DIAPH1: variants seen among roughly 807,000 people sequenced by gnomAD.
DIAPH1 encodes the protein diaphanous related formin 1, also known as protein diaphanous homolog 1.
In DIAPH1, 46 loss-of-function variants were observed where a neutral mutation model predicts 140.7. That is an observed-to-expected ratio of 0.33 (90% CI 0.26 to 0.42). DIAPH1 has a LOEUF of 0.42. DIAPH1 is among the 10% of genes least tolerant of loss of function. The pLI is 1.00. For missense variants in DIAPH1, 1,310 were observed against 1,558.7 expected (o/e 0.84, Z 2.69); for synonymous variants, 565 against 551.6 (o/e 1.02, Z -0.34).
intron 1 of DIAPH1, among the ~76,000 whole-genome samples, chr5:141,598,058 G>A (rs1272954980): frequency 1.3e-5 from 2 of 152,122 alleles, no homozygotes; most frequent in Non-Finnish European, 2.9e-5. Context: ...GCCAAGTGAT[G>A]TCCTTAAAAT....
At chr5:141,591,078 T>A (rs947435752) in intron 1 of DIAPH1, among the ~76,000 whole-genome samples, 1 of 152,166 alleles carries the variant, frequency 6.6e-6, no homozygotes, top group South Asian at 2.1e-4. Context: ...CTCCTGGCTT[T>A]TCCCCCCAGT....
chr5:141,552,778 C>T (rs148006368), intron 18 of DIAPH1, among the ~76,000 whole-genome samples: 147 of 152,184 alleles, frequency 9.7e-4, no homozygotes, highest in Middle Eastern at 6.8e-3. Flanking sequence ...ACAAGGAATG[C>T]GCACACAGAA....
intron 18 of DIAPH1, among the ~76,000 whole-genome samples, chr5:141,545,388 A>G (rs923445899): frequency 6.6e-6 from 1 of 152,260 alleles, no homozygotes; most frequent in Non-Finnish European, 1.5e-5. Context: ...ACAGTGGCTC[A>G]TGCCTGTAAT....
intron 1 of DIAPH1, among the ~76,000 whole-genome samples, chr5:141,596,838 A>G (rs2099899398): frequency 6.6e-6 from 1 of 152,246 alleles, no homozygotes; most frequent in Non-Finnish European, 1.5e-5. Flanking sequence ...ATCTGAGGAA[A>G]GATCCTAACA....
At chr5:141,545,145 G>A (rs1285186684) in intron 18 of DIAPH1, among the ~76,000 whole-genome samples, 1 of 152,172 alleles carries the variant, frequency 6.6e-6, no homozygotes, top group Non-Finnish European at 1.5e-5. Context: ...GGTATGCCAG[G>A]GTTTGGCAAT....
intron 18 of DIAPH1, among the ~76,000 whole-genome samples, chr5:141,553,594 G>A (rs969277762): frequency 1.3e-5 from 2 of 151,810 alleles, no homozygotes; most frequent in African/African-American, 4.8e-5. Flanking sequence ...GGTGAGCCAA[G>A]ATCACACCAC....
intron 1 of DIAPH1, among the ~76,000 whole-genome samples, chr5:141,616,499 G>A (rs1371698681): frequency 6.6e-6 from 1 of 152,128 alleles, no homozygotes; most frequent in Admixed American, 6.6e-5. Flanking sequence ...ACTAAGCCAC[G>A]GGTATCAAAA....
intron 1 of DIAPH1, among the ~76,000 whole-genome samples, chr5:141,603,598 T>C (rs893285934): frequency 3.3e-5 from 5 of 152,206 alleles, no homozygotes; most frequent in African/African-American, 4.8e-5. Context: ...CAGTAGTAAC[T>C]GTAGTCCATT....
chr5:141,594,276 G>T (rs2099898957), intron 1 of DIAPH1, among the ~76,000 whole-genome samples: 1 of 152,196 alleles, frequency 6.6e-6, no homozygotes, highest in Non-Finnish European at 1.5e-5. Flanking sequence ...AACCTGCAGA[G>T]AAATGTTTAC....
intron 6 of DIAPH1, 132 bp downstream of exon 6, chr5:141,583,074 C>A: frequency 4.9e-6 from 4 of 819,310 alleles, no homozygotes; most frequent in South Asian, 4.1e-5. Context: ...CTATGATAAA[C>A]CCCTTCTTGG....
chr5:141,533,104 G>A (rs765375003), intron 19 of DIAPH1, among the ~76,000 whole-genome samples: 1 of 152,080 alleles, frequency 6.6e-6, no homozygotes, highest in African/African-American at 2.4e-5. Flanking sequence ...TGGGCACTTC[G>A]CATCATTTAA....
chr5:141,589,438 G>A lies in DIAPH1; in HGVS notation c.118-1188C>T, dbSNP rs543266220. Reference sequence around the variant, plus strand: ...GAAAGATGTGAACTAAAAGAGTAGCGTGGACAAATAAACTGGTATATTGGT... The same window carrying A: ...GAAAGATGTGAACTAAAAGAGTAGCATGGACAAATAAACTGGTATATTGGT... On this transcript the variant is annotated intron_variant, in intron 1 of 27. Coordinates refer to ENST00000389054, the MANE Select transcript of DIAPH1 (RefSeq NM_005219.5). Among the ~76,000 whole-genome samples, 89 of 152,298 alleles carry A rather than the reference G, an allele frequency of 5.8e-4. 1 individual carries two copies. The highest frequency in any genetic ancestry group is 3.4e-3 in the Middle Eastern group (1 of 294).
At chr5:141,532,159 C>T (rs1000728949) in intron 19 of DIAPH1, among the ~76,000 whole-genome samples, 1 of 152,042 alleles carries the variant, frequency 6.6e-6, no homozygotes, top group African/African-American at 2.4e-5. Context: ...CCAACCTTCC[C>T]GCCTTCACTT....
At chr5:141,563,106 CACAA>C (rs2099893844) in intron 18 of DIAPH1, 1 of 152,318 alleles carries the variant, frequency 6.6e-6, no homozygotes, top group African/African-American at 2.4e-5. Flanking sequence ...CCCAGTCCAG[CACAA>C]TACTCTGCCC....
Position 141,583,535 on chromosome 5 carries a change from C to T in DIAPH1, c.483G>A (p.Leu161=). The part of the protein sequence containing the change: ...ELRSGLRDMP[L]LSCLESLRVS... ...CACGAAGGGACTCCAGGCAGCTGAGCAGAGGCATATCCCGCAAGCCTGACC... is the reference window on the plus strand; with the variant it reads ...CACGAAGGGACTCCAGGCAGCTGAGTAGAGGCATATCCCGCAAGCCTGACC... Residue 161 remains leucine (L), a synonymous_variant, in exon 5 of 28, where the codon CTG becomes CTA. Transcript: ENST00000389054. 6.2e-7 allele frequency: 1 copy of T among 1,614,184 alleles called. No homozygotes were observed. The highest frequency in any genetic ancestry group is 8.5e-7 in the Non-Finnish European group (1 of 1,180,040).
intron 18 of DIAPH1, among the ~76,000 whole-genome samples, chr5:141,545,600 T>A (rs1011565103): frequency 5.3e-5 from 8 of 152,142 alleles, no homozygotes; most frequent in African/African-American, 1.9e-4. Context: ...GCTGTGATTA[T>A]GCCACTGTAC....
intron 2 of DIAPH1, 62 bp from the exon 3 acceptor site, chr5:141,587,259 C>G: frequency 6.4e-7 from 1 of 1,568,464 alleles, no homozygotes. Context: ...AGCCACACAT[C>G]AAATTCTTTA....
chr5:141,618,920 G>C lies in DIAPH1; in HGVS notation c.-6C>G. On this transcript the variant is annotated 5_prime_UTR_variant, in exon 1 of 28. Coordinates refer to ENST00000389054, the MANE Select transcript of DIAPH1 (RefSeq NM_005219.5). ...CTCCCGCCGGGCGGCTCCATGTCCC[G>C]GTTCACGCTGGCCGGCGACCCCGCG... 6.8e-7 allele frequency: 1 copy of C among 1,474,686 alleles called. No individual in the cohort carries two copies. The highest frequency in any genetic ancestry group is 9.0e-7 in the Non-Finnish European group (1 of 1,105,850). 91.4% of individuals were successfully genotyped at this position (1,474,686 alleles called of 1,614,324 possible). A position where few individuals can be genotyped will look rare whatever the true frequency, so the allele number is the denominator to read the frequency against.
intron 1 of DIAPH1, 53 bp downstream of exon 1, chr5:141,618,745 G>T: frequency 7.5e-7 from 1 of 1,336,138 alleles, no homozygotes; most frequent in East Asian, 2.6e-5. Flanking sequence ...GGCTGCAGGG[G>T]TCCAGAGGGC....
Sources: allele counts gnomAD v4.1 joint callset (sites outside exome capture counted in the v4.1 genomes callset), GRCh38; gene constraint gnomAD v4.1.1; transcripts MANE v1.5; gene names NCBI Gene and HGNC (gene_info 2026-07-23, HGNC 2026-07-21).